THAP6: variants seen among roughly 807,000 people sequenced by gnomAD.
THAP6 encodes THAP domain-containing protein 6.
THAP6 carries 13 observed loss-of-function variants against 20.0 expected under a neutral mutation model. That is an observed-to-expected ratio of 0.65 (90% CI 0.42 to 1.03). The LOEUF (loss-of-function observed/expected upper bound fraction) is 1.03, where lower values mean the gene tolerates loss of function less well. Among genes scored for constraint, THAP6 ranks in the 50% least tolerant of loss-of-function variants. THAP6 has a pLI of 0.00. For missense variants in THAP6, 262 were observed against 261.6 expected, an observed-to-expected ratio of 1.00 and a Z score of -0.01; for synonymous variants, 93 against 92.2, an observed-to-expected ratio of 1.01 and a Z score of -0.05.
Position 75,515,457 on chromosome 4 carries a change from T to G in THAP6, c.5T>G (p.Val2Gly). 2 of 1,613,852 alleles carry G rather than the reference T, an allele frequency of 1.2e-6. No homozygotes were observed. Among genetic ancestry groups the G allele is most frequent in the Non-Finnish European group, 1.7e-6 (2 of 1,179,744 alleles). M[V>G]KCCSAIGCAS... ...GTTTTGTTATGAGTTGCTAAAATGG[T>G]GAAATGCTGCTCCGCCATTGGATGT... Residue 2 changes from valine (V) to glycine (G), a missense_variant, in exon 2 of 5, where the codon GTG becomes GGG. Physicochemically the swap from Val to Gly is moderately radical, Grantham distance 109 (BLOSUM62 -3). Coordinates refer to ENST00000311638, the MANE Select transcript of THAP6 (RefSeq NM_144721.6).
chr4:75,547,320 GA>G (rs1169055073), intron 3 of THAP6, among the ~76,000 whole-genome samples: 3 of 151,768 alleles, frequency 2.0e-5, no homozygotes, highest in South Asian at 2.1e-4. Context: ...AAATAAATTT[GA>G]AAAAAAATTA....
At chr4:75,537,286 G>C (rs1168045911) in intron 2 of THAP6, among the ~76,000 whole-genome samples, 1 of 152,098 alleles carries the variant, frequency 6.6e-6, no homozygotes, top group East Asian at 1.9e-4. Context: ...AATATGGTTT[G>C]GCTCAGTGTC....
chr4:75,522,856 G>A (rs1321178130), intron 4 of THAP6, among the ~76,000 whole-genome samples: 2 of 151,974 alleles, frequency 1.3e-5, no homozygotes, highest in African/African-American at 4.8e-5. Context: ...TGGACACTTA[G>A]GTTTTTTCCA....
Position 75,527,256 on chromosome 4 carries a change from C to T in THAP6, c.*42C>T. On this transcript the variant is annotated 3_prime_UTR_variant, in exon 5 of 5. Coordinates refer to ENST00000311638, the MANE Select transcript of THAP6 (RefSeq NM_144721.6). ...GTTCCACCTAAAATTGTCATTGGTA[C>T]AAATTTTTATAAAATCTCATTTACC... The T allele has an allele frequency of 6.4e-7, 1 of 1,573,078 alleles. No homozygotes were observed. The highest frequency in any genetic ancestry group is 8.6e-7 in the Non-Finnish European group (1 of 1,160,080).
Position 75,527,691 on chromosome 4 carries a change from T to G in THAP6, c.*477T>G, listed in dbSNP as rs149472230. 85 of 991,818 alleles carry G rather than the reference T, an allele frequency of 8.6e-5. No homozygotes were observed. The East Asian group carries it at 3.7e-3, about 43-fold the overall frequency. The allele number at this position is 991,818 out of a possible 1,614,324, so 61.4% of individuals were successfully genotyped here. On this transcript the variant is annotated 3_prime_UTR_variant, in exon 5 of 5. Coordinates refer to ENST00000311638, the MANE Select transcript of THAP6 (RefSeq NM_144721.6). ...CATCTTGGATTCAATCCAAGGTGCT[T>G]TAGCTATCAGTAGTACCAAAGGATC...
intron 4 of THAP6, among the ~76,000 whole-genome samples, chr4:75,525,957 AG>A (rs1302306002): frequency 6.6e-6 from 1 of 152,192 alleles, no homozygotes; most frequent in Admixed American, 6.5e-5. Flanking sequence ...GAATACTCAA[AG>A]GGGAGCCTCT....
intron 2 of THAP6, among the ~76,000 whole-genome samples, chr4:75,537,785 G>A (rs1192433866): frequency 1.3e-5 from 2 of 152,170 alleles, no homozygotes; most frequent in Non-Finnish European, 2.9e-5. Flanking sequence ...CGTCCAAGGA[G>A]ATGTGACTAT....
intron 2 of THAP6, among the ~76,000 whole-genome samples, chr4:75,536,768 G>A (rs111348371): frequency 0.026 from 3,879 of 152,074 alleles, 173 homozygotes; most frequent in African/African-American, 0.089. Context: ...TCAGCCTCCC[G>A]CAATCTGCCC....
intron 4 of THAP6, among the ~76,000 whole-genome samples, chr4:75,524,639 A>ATTCT (rs1285910232): frequency 2.0e-5 from 3 of 152,156 alleles, no homozygotes; most frequent in African/African-American, 7.2e-5. Context: ...GCCCTGCTGT[A>ATTCT]TTCTTACATG....
intron 4 of THAP6, among the ~76,000 whole-genome samples, chr4:75,524,755 T>A (rs1201239134): frequency 1.3e-5 from 2 of 152,122 alleles, no homozygotes; most frequent in Non-Finnish European, 2.9e-5. Context: ...TTTTTAAATT[T>A]TTTATTTATT....
chr4:75,542,802 T>A lies in THAP6; in HGVS notation c.243+316T>A, dbSNP rs528166653. 213 of 219,148 alleles carry A rather than the reference T, an allele frequency of 9.7e-4. 1 individual carries two copies. The highest frequency in any genetic ancestry group is 1.7e-3 in the Non-Finnish European group (191 of 110,710). The allele number at this position is 219,148 out of a possible 1,614,324, so 13.6% of individuals were successfully genotyped here. On this transcript the variant is annotated intron_variant, in intron 3 of 4. Transcript: ENST00000502620. ...CTCATTGTTGAATTGTTGCTGAACA[T>A]TCACAATGTCTTAAAGGCCAGACTT... is the stretch of plus-strand genomic sequence containing the variant.
chr4:75,530,011 A>T lies in THAP6; in HGVS notation c.*2797A>T. The T allele has an allele frequency of 1.0e-6, 1 of 954,248 alleles. No homozygotes were observed. Among genetic ancestry groups the T allele is most frequent in the Non-Finnish European group, 1.2e-6 (1 of 801,524 alleles). 59.1% of individuals were successfully genotyped at this position (954,248 alleles called of 1,614,324 possible). A position where few individuals can be genotyped will look rare whatever the true frequency, so the allele number is the denominator to read the frequency against. On this transcript the variant is annotated 3_prime_UTR_variant, in exon 5 of 5. Coordinates refer to ENST00000311638, the MANE Select transcript of THAP6 (RefSeq NM_144721.6). ...TATTATAATTTATTTGAAAAATAAAACATTTTATCCAGTAATGTGTTATGT... is the reference window on the plus strand; with the variant it reads ...TATTATAATTTATTTGAAAAATAAATCATTTTATCCAGTAATGTGTTATGT...
chr4:75,532,791 A>G (rs934133076), downstream of THAP6, among the ~76,000 whole-genome samples: 2 of 152,150 alleles, frequency 1.3e-5, no homozygotes, highest in Non-Finnish European at 2.9e-5. Context: ...CCCAAGGTGT[A>G]TGTTGGCTCC....
chr4:75,535,102 C>T (rs999102607), intron 2 of THAP6, among the ~76,000 whole-genome samples: 3 of 152,212 alleles, frequency 2.0e-5, no homozygotes, highest in Non-Finnish European at 2.9e-5. Flanking sequence ...CACATGCACA[C>T]GTATGAGAAA....
chr4:75,533,092 T>C (rs1726736531), downstream of THAP6, among the ~76,000 whole-genome samples: 1 of 152,238 alleles, frequency 6.6e-6, no homozygotes, highest in African/African-American at 2.4e-5. Context: ...GCAAATTTTC[T>C]GAACTTTTAT....
At chr4:75,525,039 G>A (rs957338074) in intron 4 of THAP6, among the ~76,000 whole-genome samples, 4 of 152,190 alleles carry the variant, frequency 2.6e-5, no homozygotes, top group African/African-American at 9.7e-5. Flanking sequence ...CCAGGCGTGA[G>A]CCACCGTGCT....
At position 75,529,332 on chromosome 4, in the gene THAP6, T is replaced by C. The variant is rs1046741273; in HGVS notation, c.*2118T>C. 1.4e-4 allele frequency: 138 copies of C among 985,218 alleles called. 1 individual carries two copies. The highest frequency in any genetic ancestry group is 1.3e-3 in the South Asian group (27 of 21,276). 61.0% of individuals were successfully genotyped at this position (985,218 alleles called of 1,614,324 possible). A position where few individuals can be genotyped will look rare whatever the true frequency, so the allele number is the denominator to read the frequency against. On this transcript the variant is annotated 3_prime_UTR_variant, in exon 5 of 5. Transcript: ENST00000311638. ...CAAACCTGGAAGACCTTTCCAAGAG[T>C]AAAATCCCAGTCTGCCACTATCAAA...
downstream of THAP6, among the ~76,000 whole-genome samples, chr4:75,530,789 A>T (rs917473793): frequency 2.0e-5 from 3 of 152,220 alleles, no homozygotes; most frequent in East Asian, 5.8e-4. Context: ...TCTAACAAAG[A>T]TGCCACATCA....
intron 3 of THAP6, among the ~76,000 whole-genome samples, chr4:75,545,686 C>A (rs1727110437): frequency 6.6e-6 from 1 of 152,210 alleles, no homozygotes; most frequent in Admixed American, 6.5e-5. Flanking sequence ...GCCCAAATAG[C>A]AGCTTCCCCG....
Sources: allele counts gnomAD v4.1 joint callset (sites outside exome capture counted in the v4.1 genomes callset), GRCh38; gene constraint gnomAD v4.1.1; transcripts MANE v1.5; gene names NCBI Gene and HGNC (gene_info 2026-07-23, HGNC 2026-07-21).